OPHN1: variants seen among roughly 807,000 people sequenced by gnomAD.
OPHN1 encodes the protein oligophrenin-1.
Under a neutral mutation model 60.7 loss-of-function variants are expected in OPHN1, and 11 were observed. The observed-to-expected ratio is 0.18, with a 90% CI of 0.11 to 0.30. The LOEUF (loss-of-function observed/expected upper bound fraction) is 0.30, where lower values mean the gene tolerates loss of function less well. Among genes scored for constraint, OPHN1 ranks in the 10% least tolerant of loss-of-function variants. OPHN1 has a pLI of 1.00. For synonymous variants in OPHN1, 226 were observed against 222.6 expected (o/e 1.02, Z -0.14); for missense variants, 449 against 611.0 (o/e 0.73, Z 2.80).
At chrX:68,075,327 T>C (rs940970818) in intron 19 of OPHN1, among the ~76,000 whole-genome samples, 1 of 112,396 alleles carries the variant, frequency 8.9e-6, no homozygotes. Flanking sequence ...ATCTTCAAAA[T>C]ATTGCTGAGA....
chrX:68,399,550 C>T (rs1437787355), intron 2 of OPHN1, among the ~76,000 whole-genome samples: 2 of 111,416 alleles, frequency 1.8e-5, no homozygotes, highest in African/African-American at 3.3e-5. Context: ...TGCCTGTAAT[C>T]GCAGCTACTC....
At chrX:68,409,239 T>G (rs2147775980) in intron 2 of OPHN1, among the ~76,000 whole-genome samples, 1 of 111,743 alleles carries the variant, frequency 8.9e-6, no homozygotes, top group Admixed American at 9.5e-5. Context: ...TAAGATTGCG[T>G]GGTTAGCAAA....
chrX:68,135,735 C>T (rs1324190122), intron 15 of OPHN1, among the ~76,000 whole-genome samples: 1 of 112,028 alleles, frequency 8.9e-6, no homozygotes, highest in Non-Finnish European at 1.9e-5. Context: ...TGAAATAAGA[C>T]CCTACAGAAT....
At chrX:68,081,064 T>G (rs2076972581) in intron 19 of OPHN1, among the ~76,000 whole-genome samples, 1 of 111,822 alleles carries the variant, frequency 8.9e-6, no homozygotes, top group African/African-American at 3.3e-5. Context: ...AGCAGAGATT[T>G]TTTTTCGTGA....
chrX:68,065,441 G>C (rs1348634057), intron 20 of OPHN1, among the ~76,000 whole-genome samples: 1 of 111,607 alleles, frequency 9.0e-6, no homozygotes, highest in Non-Finnish European at 1.9e-5. Context: ...AACGGGTAGG[G>C]GTATAGATGA....
chrX:68,152,932 C>T (rs1311638386), intron 15 of OPHN1, among the ~76,000 whole-genome samples: 13 of 109,529 alleles, frequency 1.2e-4, no homozygotes, highest in Non-Finnish European at 2.5e-4. Flanking sequence ...ATACACAGGC[C>T]GGCTGTGGAG....
chrX:68,054,438 C>T (rs900265948), intron 21 of OPHN1, among the ~76,000 whole-genome samples: 13 of 110,670 alleles, frequency 1.2e-4, no homozygotes, highest in African/African-American at 4.3e-4. Flanking sequence ...ATCTAGAGGG[C>T]ATCAAGGATT....
chrX:68,226,534 G>A (rs183013024), intron 6 of OPHN1, among the ~76,000 whole-genome samples: 75 of 111,765 alleles, frequency 6.7e-4, no homozygotes, highest in African/African-American at 1.6e-3. Context: ...CTGATTTCTC[G>A]GCAGAAACTC....
At chrX:68,229,870 A>G (rs2147517810) in intron 6 of OPHN1, among the ~76,000 whole-genome samples, 1 of 112,104 alleles carries the variant, frequency 8.9e-6, no homozygotes, top group African/African-American at 3.2e-5. Flanking sequence ...CTTCATGTCT[A>G]AAACACCAAA....
chrX:68,416,049 TATATATATATATATATATAGAGAGAGAG>T (rs1257270953), intron 2 of OPHN1, among the ~76,000 whole-genome samples: 32 of 59,840 alleles, frequency 5.3e-4, no homozygotes, highest in African/African-American at 7.5e-4. Context: ...TATATATATA[TATATATATATATATATATAGAGAGAGAG>T]AGAGAGAGAG....
chrX:68,374,317 C>T (rs1379145780), intron 2 of OPHN1, among the ~76,000 whole-genome samples: 2 of 104,501 alleles, frequency 1.9e-5, no homozygotes, highest in Non-Finnish European at 3.9e-5. Flanking sequence ...GATCACGCCA[C>T]TGCACTCCAG....
At chrX:68,161,451 C>T (rs1410474859) in intron 15 of OPHN1, among the ~76,000 whole-genome samples, 1 of 110,635 alleles carries the variant, frequency 9.0e-6, no homozygotes, top group East Asian at 2.8e-4. Context: ...TAAAAATATT[C>T]CACTTCATTA....
rs776578200 is a variant in OPHN1, at chrX:68,225,663, G to C, written c.486+8824C>G. ...CAACAGACCTGCAGCTGATGGTCCT[G>C]ACTGTTAGAAGGAAAACTAACAAAC... On this transcript the variant is annotated intron_variant, in intron 6 of 24. Coordinates refer to ENST00000355520, the MANE Select transcript of OPHN1 (RefSeq NM_002547.3). Among the ~76,000 whole-genome samples, 11 of 112,417 alleles carry C rather than the reference G, an allele frequency of 9.8e-5. No homozygotes were observed. In the East Asian group the frequency reaches 3.1e-3, roughly 32 times the overall value.
intron 18 of OPHN1, among the ~76,000 whole-genome samples, chrX:68,101,776 A>G (rs1282887874): frequency 8.9e-6 from 1 of 112,530 alleles, no homozygotes; most frequent in African/African-American, 3.2e-5. Context: ...AGAAAAATAT[A>G]GCAATGGTTA....
At chrX:68,392,867 C>T (rs770437555) in intron 2 of OPHN1, among the ~76,000 whole-genome samples, 1 of 109,763 alleles carries the variant, frequency 9.1e-6, no homozygotes, top group Non-Finnish European at 1.9e-5. Context: ...GCTCCCCATC[C>T]GGCCCACTGA....
intron 5 of OPHN1, among the ~76,000 whole-genome samples, chrX:68,266,795 G>C (rs1419013350): frequency 9.0e-6 from 1 of 111,090 alleles, no homozygotes; most frequent in Admixed American, 9.6e-5. Flanking sequence ...CTCTCGTGCA[G>C]AGACACACAT....
intron 2 of OPHN1, among the ~76,000 whole-genome samples, chrX:68,307,280 CA>C (rs1170857593): frequency 4.2e-5 from 4 of 95,965 alleles, no homozygotes; most frequent in African/African-American, 1.3e-4. Context: ...CTGTCTCTAC[CA>C]AAAAAAAAAT....
intron 2 of OPHN1, among the ~76,000 whole-genome samples, chrX:68,361,811 T>C (rs1277288255): frequency 2.7e-5 from 3 of 111,817 alleles, no homozygotes; most frequent in South Asian, 3.7e-4. Context: ...CATACTGTAT[T>C]CAATAATGGC....
intron 15 of OPHN1, among the ~76,000 whole-genome samples, chrX:68,179,920 T>C (rs1349509929): frequency 9.0e-6 from 1 of 111,446 alleles, no homozygotes; most frequent in African/African-American, 3.3e-5. Context: ...AGTCTCACAG[T>C]AACTAACCCA....
Sources: gnomAD v4.1 joint callset for allele counts (sites outside exome capture counted in the v4.1 genomes callset) on GRCh38, gnomAD v4.1.1 for gene constraint, MANE v1.5 for transcripts, NCBI Gene and HGNC (gene_info 2026-07-23, HGNC 2026-07-21) for gene names.